AFG1L: variants seen among roughly 807,000 people sequenced by gnomAD.
The protein encoded by AFG1L is AFG1-like ATPase.
A neutral mutation model predicts 62.2 loss-of-function variants in AFG1L; 53 were observed. The observed-to-expected ratio is 0.85, with a 90% confidence interval of 0.68 to 1.07. AFG1L has a LOEUF of 1.07. Among genes scored for constraint, AFG1L ranks in the 50% least tolerant of loss-of-function variants. The pLI is 0.00. For missense variants in AFG1L, 555 were observed against 590.5 expected, an observed-to-expected ratio of 0.94 and a Z score of 0.62; for synonymous variants, 228 against 210.3, an observed-to-expected ratio of 1.08 and a Z score of -0.73.
At position 108,419,074 on chromosome 6, in the gene AFG1L, C is replaced by T. The variant is rs115596762; in HGVS notation, c.807+17020C>T. Among the ~76,000 whole-genome samples, 445 of 152,146 alleles carry T rather than the reference C, an allele frequency of 2.9e-3. 2 individuals are homozygous for T. Among genetic ancestry groups the T allele is most frequent in the African/African-American group, 0.01 (429 of 41,508 alleles). ...CATAAACCATTTAGTTTGTTTCATT[C>T]CATAATGAACCCTAAAAGAGATAAA... On this transcript the variant is annotated intron_variant, in intron 7 of 12. Coordinates refer to ENST00000368977, the MANE Select transcript of AFG1L (RefSeq NM_145315.5).
At chr6:108,511,102 A>AAAG (rs1027400723) in intron 11 of AFG1L, among the ~76,000 whole-genome samples, 11 of 150,918 alleles carry the variant, frequency 7.3e-5, no homozygotes, top group African/African-American at 2.2e-4. Flanking sequence ...AAAAAAAAAA[A>AAAG]AAGAAGAAGA....
intron 1 of AFG1L, among the ~76,000 whole-genome samples, chr6:108,303,441 T>C (rs999959332): frequency 6.6e-6 from 1 of 152,198 alleles, no homozygotes; most frequent in African/African-American, 2.4e-5. Context: ...AAAAGCGTTA[T>C]GGATGCTAGC....
chr6:108,514,511 A>G (rs1774797715), intron 11 of AFG1L, among the ~76,000 whole-genome samples: 1 of 152,198 alleles, frequency 6.6e-6, no homozygotes, highest in Non-Finnish European at 1.5e-5. Flanking sequence ...TAAACATGGA[A>G]AGGAACAACC....
chr6:108,470,552 G>C (rs1253946591), intron 8 of AFG1L, among the ~76,000 whole-genome samples: 1 of 147,644 alleles, frequency 6.8e-6, no homozygotes, highest in African/African-American at 2.5e-5. Context: ...TCTAGGACAA[G>C]AGGGAAATAT....
rs529638123 is a variant in AFG1L, at chr6:108,393,129, A to T, written c.749-8867A>T. Among the ~76,000 whole-genome samples, 71 of 152,208 alleles carry T rather than the reference A, an allele frequency of 4.7e-4. No individual in the cohort carries two copies. In the South Asian group the frequency reaches 5.2e-3, roughly 11 times the overall value. ...AGTGCTCATTTCACTCTGTTTAGAG[A>T]TCATGAAGGAATCATAGTCAAGAAC... On this transcript the variant is annotated intron_variant, in intron 6 of 12. Transcript: ENST00000368977.
intron 7 of AFG1L, among the ~76,000 whole-genome samples, chr6:108,415,662 A>C (rs1473078554): frequency 6.6e-6 from 1 of 152,162 alleles, no homozygotes; most frequent in Non-Finnish European, 1.5e-5. Flanking sequence ...CAAAAACAAG[A>C]AATGGGGAAA....
At chr6:108,411,877 C>T (rs542648964) in intron 7 of AFG1L, among the ~76,000 whole-genome samples, 15 of 152,310 alleles carry the variant, frequency 9.8e-5, no homozygotes, top group African/African-American at 3.4e-4. Context: ...CGCAGCTCCT[C>T]GCCAGCAACG....
chr6:108,517,692 A>G (rs1347107798), intron 11 of AFG1L, among the ~76,000 whole-genome samples: 9 of 152,252 alleles, frequency 5.9e-5, no homozygotes, highest in Non-Finnish European at 1.3e-4. Context: ...CCAGCAAAAG[A>G]AACTACCATC....
chr6:108,451,142 A>G (rs914289124), intron 8 of AFG1L, among the ~76,000 whole-genome samples: 2 of 152,156 alleles, frequency 1.3e-5, no homozygotes, highest in African/African-American at 4.8e-5. Flanking sequence ...AAACAAGCAA[A>G]CAAACAAAAA....
intron 1 of AFG1L, among the ~76,000 whole-genome samples, chr6:108,310,484 A>G (rs954460108): frequency 6.6e-6 from 1 of 151,992 alleles, no homozygotes; most frequent in African/African-American, 2.4e-5. Flanking sequence ...TTGAATTGTA[A>G]AAGTTCTTTA....
chr6:108,453,838 A>G (rs747456190), intron 8 of AFG1L, among the ~76,000 whole-genome samples: 1 of 152,188 alleles, frequency 6.6e-6, no homozygotes, highest in Non-Finnish European at 1.5e-5. Context: ...TCTGTCCCAG[A>G]CACTGGAATC....
chr6:108,463,870 T>A (rs1456303481), intron 8 of AFG1L, among the ~76,000 whole-genome samples: 1 of 152,176 alleles, frequency 6.6e-6, no homozygotes, highest in Non-Finnish European at 1.5e-5. Flanking sequence ...AAGGCAAGTA[T>A]AAACCAACTT....
intron 6 of AFG1L, among the ~76,000 whole-genome samples, chr6:108,389,938 G>A (rs1356641472): frequency 8.5e-5 from 13 of 152,154 alleles, no homozygotes; most frequent in Non-Finnish European, 1.5e-4. Flanking sequence ...TCGCTAGGTT[G>A]GGGAAGTTCT....
At chr6:108,367,378 A>G (rs959081027) in intron 6 of AFG1L, among the ~76,000 whole-genome samples, 2 of 152,126 alleles carry the variant, frequency 1.3e-5, no homozygotes, top group Admixed American at 1.3e-4. Flanking sequence ...GTTAGAAGTA[A>G]GGAGACCTTT....
At chr6:108,354,484 T>C (rs909524758) in intron 3 of AFG1L, among the ~76,000 whole-genome samples, 1 of 152,154 alleles carries the variant, frequency 6.6e-6, no homozygotes, top group Non-Finnish European at 1.5e-5. Flanking sequence ...TTTGTACTTT[T>C]AGTAGAGACA....
At chr6:108,296,936 T>G (rs1378058671) in intron 1 of AFG1L, among the ~76,000 whole-genome samples, 1 of 152,142 alleles carries the variant, frequency 6.6e-6, no homozygotes, top group Non-Finnish European at 1.5e-5. Flanking sequence ...CTAGTAAGTG[T>G]CAGAACTGGA....
chr6:108,338,090 G>T (rs1040849986), intron 2 of AFG1L, among the ~76,000 whole-genome samples: 3 of 152,164 alleles, frequency 2.0e-5, no homozygotes, highest in African/African-American at 7.2e-5. Flanking sequence ...GGAGGCTAGG[G>T]TGGGAGGATC....
chr6:108,466,763 AT>A (rs1772686432), intron 8 of AFG1L, among the ~76,000 whole-genome samples: 2 of 33,096 alleles, frequency 6.0e-5, no homozygotes, highest in African/African-American at 1.1e-3. Context: ...TTGTTAAAAT[AT>A]ATATATTTTA....
Position 108,356,747 on chromosome 6 carries a change from C to A in AFG1L, c.575C>A (p.Ser192Ter), listed in dbSNP as rs1402310109. ...AGGAAACCAGGATTCATGGCTAAAT[C>A]ATATGACCCAATAGCTCCCATAGCC... Reference protein sequence around the residue: ...PKRKPGFMAKSYDPIAPIAEE... With the variant: ...PKRKPGFMAK Residue 192 changes from serine to a stop codon, truncating the protein, a stop_gained, in exon 5 of 13, where the codon TCA (serine) becomes TAA (stop). Coordinates refer to ENST00000368977, the MANE Select transcript of AFG1L (RefSeq NM_145315.5). LOFTEE classifies it high-confidence loss of function. 7 of 1,613,108 alleles carry A rather than the reference C, an allele frequency of 4.3e-6. No homozygotes were observed. Among genetic ancestry groups the A allele is most frequent in the Non-Finnish European group, 5.9e-6 (7 of 1,179,310 alleles).
Sources: gnomAD v4.1 joint callset for allele counts (sites outside exome capture counted in the v4.1 genomes callset) on GRCh38, gnomAD v4.1.1 for gene constraint, MANE v1.5 for transcripts, NCBI Gene and HGNC (gene_info 2026-07-23, HGNC 2026-07-21) for gene names.